MYOF: variants seen among roughly 807,000 people sequenced by gnomAD.
MYOF encodes the protein myoferlin.
MYOF carries 244 observed loss-of-function variants against 284.2 expected under a neutral mutation model. The observed-to-expected ratio is 0.86, with a 90% CI of 0.77 to 0.95. The LOEUF is 0.95. Ranked by LOEUF, MYOF falls within the 40% of genes least tolerant of loss-of-function variation. The pLI is 0.00. For missense variants in MYOF, 2,496 were observed against 2,560.6 expected, an observed-to-expected ratio of 0.97 and a Z score of 0.54; for synonymous variants, 904 against 919.7, an observed-to-expected ratio of 0.98 and a Z score of 0.31.
At chr10:93,358,241 A>G (rs890776744) in intron 29 of MYOF, among the ~76,000 whole-genome samples, 3 of 152,220 alleles carry the variant, frequency 2.0e-5, no homozygotes, top group Non-Finnish European at 2.9e-5. Context: ...AATCAAAACC[A>G]CAATGAGATA....
At chr10:93,405,821 G>A (rs554110492) in intron 7 of MYOF, among the ~76,000 whole-genome samples, 164 of 133,098 alleles carry the variant, frequency 1.2e-3, no homozygotes, top group African/African-American at 3.4e-3. Context: ...TTTTTTTGAC[G>A]GAGTCTCTCT....
intron 43 of MYOF, among the ~76,000 whole-genome samples, chr10:93,332,268 G>C (rs892527448): frequency 1.3e-5 from 2 of 150,886 alleles, no homozygotes; most frequent in African/African-American, 4.9e-5. Context: ...TGTCGCCCAG[G>C]CTGGAGTGCA....
chr10:93,377,513 C>A, intron 21 of MYOF, 84 bp from the exon 22 acceptor site: 5 of 972,430 alleles, frequency 5.1e-6, no homozygotes, highest in South Asian at 1.6e-5. Flanking sequence ...CCTGTGAAAT[C>A]ATGTAAATAT....
chr10:93,394,084 A>G (rs1009105042), intron 16 of MYOF, among the ~76,000 whole-genome samples: 6 of 151,996 alleles, frequency 3.9e-5, no homozygotes, highest in Non-Finnish European at 2.9e-5. Flanking sequence ...TGCCACATAT[A>G]GCTATTTATT....
intron 9 of MYOF, 124 bp downstream of exon 9, chr10:93,403,899 G>T: frequency 2.0e-6 from 2 of 1,004,838 alleles, no homozygotes; most frequent in Non-Finnish European, 3.1e-6. Flanking sequence ...TTCAGCAAGT[G>T]TCATCATGCT....
chr10:93,402,110 G>A, intron 11 of MYOF, 122 bp downstream of exon 11: 1 of 715,226 alleles, frequency 1.4e-6, no homozygotes. Context: ...GAAGAATAGG[G>A]GGAATCTGAG....
intron 1 of MYOF, among the ~76,000 whole-genome samples, chr10:93,467,802 T>G (rs962153656): frequency 6.6e-6 from 1 of 152,104 alleles, no homozygotes; most frequent in Non-Finnish European, 1.5e-5. Flanking sequence ...CCATAAAAAA[T>G]GATGAGTTCA....
intron 3 of MYOF, among the ~76,000 whole-genome samples, chr10:93,434,647 A>G (rs1185183471): frequency 6.6e-6 from 1 of 152,140 alleles, no homozygotes; most frequent in Admixed American, 6.6e-5. Context: ...ATGTTACAAA[A>G]CCATAATTTA....
intron 17 of MYOF, among the ~76,000 whole-genome samples, chr10:93,389,597 C>G (rs892112949): frequency 6.6e-6 from 1 of 152,180 alleles, no homozygotes; most frequent in Non-Finnish European, 1.5e-5. Context: ...ATAACTCTAG[C>G]AGATGCTGTT....
intron 16 of MYOF, 102 bp from the exon 17 acceptor site, chr10:93,393,057 C>A (rs1012776737): frequency 1.9e-6 from 2 of 1,062,684 alleles, no homozygotes; most frequent in Non-Finnish European, 2.9e-6. Flanking sequence ...TGTGATTTAG[C>A]AACACCAGAA....
chr10:93,329,612 G>T (rs1843213075), intron 44 of MYOF, 52 bp downstream of exon 44: 1 of 1,600,926 alleles, frequency 6.2e-7, no homozygotes, highest in Admixed American at 1.7e-5. Context: ...GCCTCCCCAG[G>T]TGCCAATGTC....
intron 47 of MYOF, 25 bp downstream of exon 47, chr10:93,323,245 C>T (rs1462150462): frequency 6.2e-7 from 1 of 1,613,850 alleles, no homozygotes; most frequent in South Asian, 1.1e-5. Flanking sequence ...GTGTATGTAT[C>T]AGGGTCTCAG....
chr10:93,374,718 C>T (rs746541701), intron 23 of MYOF, 45 bp downstream of exon 23: 10 of 1,574,572 alleles, frequency 6.4e-6, no homozygotes, highest in Non-Finnish European at 8.6e-6. Context: ...TTCGCAGAGC[C>T]CTTCTTCCAT....
chr10:93,426,198 G>T, intron 4 of MYOF, 40 bp from the exon 5 acceptor site: 1 of 1,543,046 alleles, frequency 6.5e-7, no homozygotes, highest in South Asian at 1.2e-5. Flanking sequence ...ATCAGTGCAG[G>T]GCACCAGCAT....
intron 1 of MYOF, among the ~76,000 whole-genome samples, chr10:93,479,499 T>C (rs1189789801): frequency 6.6e-6 from 1 of 152,152 alleles, no homozygotes; most frequent in Non-Finnish European, 1.5e-5. Flanking sequence ...ACCACCGACA[T>C]AGACTGAAAG....
chr10:93,451,286 G>A (rs768827604), intron 3 of MYOF, among the ~76,000 whole-genome samples: 6 of 152,124 alleles, frequency 3.9e-5, no homozygotes, highest in Non-Finnish European at 7.3e-5. Context: ...GTTGCAGTGA[G>A]CCAAGATTGT....
At chr10:93,451,828 C>G (rs563459224) in intron 3 of MYOF, among the ~76,000 whole-genome samples, 1 of 152,036 alleles carries the variant, frequency 6.6e-6, no homozygotes, top group Non-Finnish European at 1.5e-5. Context: ...CTAGGTGGCT[C>G]GGTGTTTGCA....
intron 3 of MYOF, among the ~76,000 whole-genome samples, chr10:93,444,219 C>T (rs890363323): frequency 7.2e-5 from 11 of 152,286 alleles, no homozygotes; most frequent in Admixed American, 2.6e-4. Flanking sequence ...ATGTCATCCA[C>T]GTAGGAGCAT....
At chr10:93,318,845 C>A (rs1842733366) in intron 49 of MYOF, among the ~76,000 whole-genome samples, 1 of 152,116 alleles carries the variant, frequency 6.6e-6, no homozygotes, top group Admixed American at 6.6e-5. Context: ...GGGCTGGTGG[C>A]TGGTACATTC....
Sources: allele counts gnomAD v4.1 joint callset (sites outside exome capture counted in the v4.1 genomes callset), GRCh38; gene constraint gnomAD v4.1.1; transcripts MANE v1.5; gene names NCBI Gene and HGNC (gene_info 2026-07-23, HGNC 2026-07-21).